POM121: variants seen among roughly 807,000 people sequenced by gnomAD.
POM121 encodes nuclear envelope pore membrane protein POM 121.
Under a neutral mutation model 81.3 loss-of-function variants are expected in POM121, and 32 were observed. That is an observed-to-expected ratio of 0.39 (90% CI 0.30 to 0.53). The LOEUF (loss-of-function observed/expected upper bound fraction) is 0.53. POM121 is among the 20% of genes least tolerant of loss of function. POM121 has a pLI of 0.66. For missense variants in POM121, 1,138 were observed against 1,614.6 expected, an observed-to-expected ratio of 0.70 and a Z score of 5.06; for synonymous variants, 514 against 694.2, an observed-to-expected ratio of 0.74 and a Z score of 4.08.
At chr7:72,950,279 A>C (rs536005377), downstream of POM121, 1 of 1,153,064 alleles carries the variant, frequency 8.7e-7, no homozygotes, top group Admixed American at 2.5e-5. Context: ...CATGCAACAA[A>C]TGTTACCACA....
At chr7:72,923,971 A>G (rs1795096621), upstream of POM121, among the ~76,000 whole-genome samples, 1 of 145,024 alleles carries the variant, frequency 6.9e-6, no homozygotes, top group Non-Finnish European at 1.5e-5. Flanking sequence ...TTTGAGACGG[A>G]GTCTCGGTCT....
rs781886284 is a variant in POM121 at position 72,943,416 on chromosome 7, C to G, written c.3423C>G (p.Thr1141=). 40 of 1,612,900 alleles carry G rather than the reference C, an allele frequency of 2.5e-5. No individual in the cohort carries two copies. In the Middle Eastern group the frequency reaches 8.7e-4, roughly 35 times the overall value. The change falls in exon 11 of 13, where the codon ACC becomes ACG. Residue 1141 remains threonine (T), a synonymous_variant. Coordinates refer to ENST00000434423, the MANE Select transcript of POM121 (RefSeq NM_001387691.1). ...AGAGTGGGAGCACAGCCACCTCCAC[C>G]CCCTTCGCAGGGGGCTTAGGTCAGA... ...AGQSGSTATS[T]PFAGGLGQNA...
Position 72,925,151 on chromosome 7 carries a change from A to G in POM121, c.30A>G (p.Ala10=), listed in dbSNP as rs1554496809. 18 of 1,458,880 alleles carry G rather than the reference A, an allele frequency of 1.2e-5. No individual in the cohort carries two copies. Among genetic ancestry groups the G allele is most frequent in the South Asian group, 6.7e-5 (5 of 74,846 alleles). The allele number at this position is 1,458,880 out of a possible 1,614,324, so 90.4% of individuals were successfully genotyped here. ...CTCCGGCGGCTGCGGCGGCTGGAGC[A>G]GGCGAGCGGCGGCGGCCCATAGCGA... The part of the protein sequence containing the change: MSPAAAAAG[A]GERRRPIASV... Residue 10 remains alanine (A), a synonymous_variant, in exon 1 of 13, where the codon GCA becomes GCG. Coordinates refer to ENST00000434423, the MANE Select transcript of POM121 (RefSeq NM_001387691.1).
At chr7:72,945,878 C>G (rs1212629331) in intron 12 of POM121, among the ~76,000 whole-genome samples, 170 bp downstream of exon 12, 8 of 152,076 alleles carry the variant, frequency 5.3e-5, no homozygotes, top group Non-Finnish European at 1.2e-4. Flanking sequence ...TGGCAGAGAT[C>G]AGAGAGGAGC....
At chr7:72,941,597 T>A (rs1231719899) in intron 10 of POM121, among the ~76,000 whole-genome samples, 2 of 151,066 alleles carry the variant, frequency 1.3e-5, no homozygotes, top group Non-Finnish European at 2.9e-5. Flanking sequence ...ACTGTCTTAG[T>A]CTCTACACAT....
intron 1 of POM121, among the ~76,000 whole-genome samples, chr7:72,890,340 T>G (rs1378432621): frequency 6.6e-6 from 1 of 152,132 alleles, no homozygotes; most frequent in Non-Finnish European, 1.5e-5. Flanking sequence ...ATCTCCTTAT[T>G]AGGTTGTCTG....
chr7:72,898,237 T>C (rs553590426), intron 3 of POM121, among the ~76,000 whole-genome samples: 1 of 152,300 alleles, frequency 6.6e-6, no homozygotes, highest in African/African-American at 2.4e-5. Flanking sequence ...GGTTTATTTT[T>C]TTCTTTAAAA....
At chr7:72,920,468 C>A (rs1794705600), upstream of POM121, among the ~76,000 whole-genome samples, 1 of 151,604 alleles carries the variant, frequency 6.6e-6, no homozygotes. Context: ...CCTGCCTCAG[C>A]CTCCCGAGTA....
Position 72,925,727 on chromosome 7 carries a change from C to G in POM121, c.606C>G (p.Pro202=). 7.6e-7 allele frequency: 1 copy of G among 1,318,372 alleles called. No homozygotes were observed. The highest frequency in any genetic ancestry group is 9.7e-7 in the Non-Finnish European group (1 of 1,032,918). The allele number at this position is 1,318,372 out of a possible 1,614,324, so 81.7% of individuals were successfully genotyped here. A position where few individuals can be genotyped will look rare whatever the true frequency, so the allele number is the denominator to read the frequency against. Residue 202 remains proline (P), a synonymous_variant, in exon 1 of 13, where the codon CCC becomes CCG. Coordinates refer to ENST00000434423, the MANE Select transcript of POM121 (RefSeq NM_001387691.1). ...CTCACCACGTTTACCCCTCTCTGCC[C>G]ACTCCTCTTCTCCGACCCTCCAGGA... is the stretch of plus-strand genomic sequence containing the variant. ...HRAHHVYPSL[P]TPLLRPSRRP...
rs201082459 is a variant in POM121, at chr7:72,926,937, C to T, written c.996C>T (p.Phe332=). 27 of 1,613,942 alleles carry T rather than the reference C, an allele frequency of 1.7e-5. No individual in the cohort carries two copies. The East Asian group carries it at 4.2e-4, about 25-fold the overall frequency. The change falls in exon 3 of 13, where the codon TTC becomes TTT. Residue 332 remains phenylalanine (F), a synonymous_variant. Transcript: ENST00000434423. ...KRTVEEEDQI[F]LDGQENKRRR... is the part of the protein sequence containing the mutation. ...CAGTGGAGGAAGAAGACCAAATATTCCTTGATGGCCAGGAAAATAAAAGAA... is the reference window on the plus strand; with the variant it reads ...CAGTGGAGGAAGAAGACCAAATATTTCTTGATGGCCAGGAAAATAAAAGAA...
At chr7:72,918,648 C>T (rs186301607) in intron 4 of POM121, among the ~76,000 whole-genome samples, 15 of 152,228 alleles carry the variant, frequency 9.9e-5, no homozygotes, top group African/African-American at 3.6e-4. Flanking sequence ...CTCGTGCCCT[C>T]GGTCTCTTGC....
chr7:72,923,505 C>T (rs1156792387), upstream of POM121, among the ~76,000 whole-genome samples: 1 of 152,088 alleles, frequency 6.6e-6, no homozygotes, highest in Non-Finnish European at 1.5e-5. Context: ...TCACTGCAAC[C>T]TCCACCTCCC....
chr7:72,946,223 C>T lies in POM121; in HGVS notation c.3739C>T (p.Arg1247Cys), dbSNP rs782327838. 1.2e-5 allele frequency: 20 copies of T among 1,611,088 alleles called. No individual in the cohort carries two copies. Among genetic ancestry groups the T allele is most frequent in the African/African-American group, 4.0e-5 (3 of 74,760 alleles). Residue 1247 changes from arginine to cysteine, a missense_variant, in exon 13 of 13, where the codon CGC becomes TGC. Transcript: ENST00000434423. ...ACTGCAGGCCCGAAGGCAGCACACC[C>T]GCAAAAAGTAGCCTTTGTCCCCTGT... Reference protein sequence around the residue: ...QRLQARRQHTRKK With the variant: ...QRLQARRQHTCKK
chr7:72,927,476 G>A (rs1482760866), intron 3 of POM121, among the ~76,000 whole-genome samples: 4 of 152,182 alleles, frequency 2.6e-5, no homozygotes, highest in African/African-American at 4.8e-5. Context: ...TTGAGAGGCC[G>A]ACACGGGTGG....
At chr7:72,902,611 C>A (rs1792805505) in intron 3 of POM121, among the ~76,000 whole-genome samples, 1 of 152,118 alleles carries the variant, frequency 6.6e-6, no homozygotes, top group South Asian at 2.1e-4. Flanking sequence ...TCACTGCAGG[C>A]TTGACTTCTC....
At chr7:72,906,639 A>G (rs1479023041) in intron 3 of POM121, among the ~76,000 whole-genome samples, 1 of 151,952 alleles carries the variant, frequency 6.6e-6, no homozygotes, top group African/African-American at 2.4e-5. Context: ...TTATTTATTT[A>G]TTTATTGAGA....
At chr7:72,934,247 G>A (rs571567719) in intron 5 of POM121, among the ~76,000 whole-genome samples, 2 of 151,464 alleles carry the variant, frequency 1.3e-5, no homozygotes, top group East Asian at 3.9e-4. Context: ...ACCATGCCCG[G>A]CTAATTTTTG....
downstream of POM121, chr7:72,948,668 G>A (rs2353055): frequency 1.2e-3 from 1,970 of 1,604,172 alleles, 22 homozygotes; most frequent in East Asian, 0.035. Flanking sequence ...ACTCACTCAC[G>A]TCGGCATCTC....
At position 72,942,963 on chromosome 7, in the gene POM121, C is replaced by G. The variant is rs782699460; in HGVS notation, c.2970C>G (p.Ser990Arg). ...CCGCCAAGCCGGCCCTTGCCCCCAG[C>G]TTTGGCAGCTCTTTCACTTTTGGAA... ...PGAAKPALAP[S>R]FGSSFTFGNS... The change falls in exon 11 of 13, where the codon AGC becomes AGG. Residue 990 changes from serine (S) to arginine (R), a missense_variant. Physicochemically the swap from Ser to Arg is moderately radical, Grantham distance 110. Around this residue, in one of 7 missense-constraint regions of POM121, gnomAD observed 45 missense variants for 75.7 expected, o/e 0.59. Coordinates refer to ENST00000434423, the MANE Select transcript of POM121 (RefSeq NM_001387691.1). 3 of 1,603,268 alleles carry G rather than the reference C, an allele frequency of 1.9e-6. No individual in the cohort carries two copies. Among genetic ancestry groups the G allele is most frequent in the Non-Finnish European group, 1.7e-6 (2 of 1,176,516 alleles).
Sources: allele counts gnomAD v4.1 joint callset (sites outside exome capture counted in the v4.1 genomes callset), GRCh38; gene constraint gnomAD v4.1.1; regional missense constraint gnomAD v4.1.1; transcripts MANE v1.5; gene names NCBI Gene and HGNC (gene_info 2026-07-23, HGNC 2026-07-21).